HDGFL2: variants seen among roughly 807,000 people sequenced by gnomAD.
HDGFL2 encodes the protein hepatoma-derived growth factor-related protein 2.
Under a neutral mutation model 77.1 loss-of-function variants are expected in HDGFL2, and 36 were observed. The ratio of observed to expected loss-of-function variants is 0.47; its 90% CI spans 0.36 to 0.62. The LOEUF (loss-of-function observed/expected upper bound fraction) is 0.62, where lower values mean the gene tolerates loss of function less well. HDGFL2 is among the 20% of genes least tolerant of loss of function. The probability of loss-of-function intolerance (pLI) is 0.00; values close to 1 mark genes in which losing one functional copy is unlikely to be tolerated. For synonymous variants in HDGFL2, 463 were observed against 413.1 expected, an observed-to-expected ratio of 1.12 and a Z score of -1.46; for missense variants, 976 against 973.4, an observed-to-expected ratio of 1.00 and a Z score of -0.04.
intron 1 of HDGFL2, 181 bp from the exon 2 acceptor site, chr19:4,475,094 C>T: frequency 1.6e-6 from 1 of 609,084 alleles, no homozygotes; most frequent in Non-Finnish European, 2.9e-6. Flanking sequence ...CTGGGTGGGG[C>T]ACAGCTTTGC....
At position 4,497,955 on chromosome 19, in the gene HDGFL2, C is replaced by T. The variant is rs760505513; in HGVS notation, c.1329-3C>T. 2.1e-5 allele frequency: 33 copies of T among 1,552,054 alleles called. No homozygotes were observed. Among genetic ancestry groups the T allele is most frequent in the Non-Finnish European group, 2.7e-5 (31 of 1,147,344 alleles). ...CCCGACTGAGGGGAGCACTTCTCCA[C>T]AGGCCCGTGAAGGTGGAGCGGACCC... On this transcript the variant is annotated splice_region_variant and splice_polypyrimidine_tract_variant and intron_variant, in intron 10 of 15. Transcript: ENST00000616600.
At chr19:4,497,920 G>A (rs781637621) in intron 10 of HDGFL2, 38 bp from the exon 11 acceptor site, 14 of 1,532,562 alleles carry the variant, frequency 9.1e-6, no homozygotes, top group South Asian at 3.6e-5. Context: ...GCAGAGTGCC[G>A]GTGACGGGGC....
chr19:4,474,610 G>A (rs1975024280), intron 1 of HDGFL2, among the ~76,000 whole-genome samples: 1 of 152,104 alleles, frequency 6.6e-6, no homozygotes, highest in Non-Finnish European at 1.5e-5. Flanking sequence ...TCTTGGGGGA[G>A]ACCAGAGCAA....
At chr19:4,499,094 TC>T (rs1183070571) in intron 13 of HDGFL2, among the ~76,000 whole-genome samples, 179 bp downstream of exon 13, 1 of 152,098 alleles carries the variant, frequency 6.6e-6, no homozygotes, top group African/African-American at 2.4e-5. Context: ...ACGCCTGTAA[TC>T]CCAGCACTTT....
chr19:4,486,069 AAAC>A (rs1380899105), intron 3 of HDGFL2, among the ~76,000 whole-genome samples: 3 of 145,438 alleles, frequency 2.1e-5, no homozygotes, highest in South Asian at 2.2e-4. Context: ...AAAAAAAAAA[AAAC>A]AACAACCACG....
intron 3 of HDGFL2, among the ~76,000 whole-genome samples, chr19:4,484,359 T>A (rs1214732974): frequency 6.7e-6 from 1 of 150,106 alleles, no homozygotes; most frequent in Non-Finnish European, 1.5e-5. Flanking sequence ...GCTGGGATTA[T>A]AGGCGTGAGC....
At chr19:4,482,555 C>G (rs1319387318) in intron 3 of HDGFL2, among the ~76,000 whole-genome samples, 3 of 152,154 alleles carry the variant, frequency 2.0e-5, no homozygotes, top group African/African-American at 7.2e-5. Flanking sequence ...CTAGGCTGGT[C>G]TTGAATTCCT....
In HDGFL2 at chr19:4,501,987, G is replaced by T; in HGVS notation, c.1993G>T (p.Glu665Ter). The T allele has an allele frequency of 6.6e-7, 1 of 1,514,452 alleles. No homozygotes were observed. 93.8% of individuals were successfully genotyped at this position (1,514,452 alleles called of 1,614,324 possible). A position where few individuals can be genotyped will look rare whatever the true frequency, so the allele number is the denominator to read the frequency against. Residue 665 changes from glutamate to a stop codon, truncating the protein, a stop_gained, in exon 16 of 16, where the codon GAG (glutamate) becomes TAG (stop). Coordinates refer to ENST00000616600, the MANE Select transcript of HDGFL2 (RefSeq NM_001001520.3). LOFTEE classifies it high-confidence loss of function. ...GCGCGAGAGGGCACGGGGGGACTCGGAGGCCCTGGACGAGGAGAGCTGAGC... is the reference window on the plus strand; with the variant it reads ...GCGCGAGAGGGCACGGGGGGACTCGTAGGCCCTGGACGAGGAGAGCTGAGC... ...QERERARGDSEALDEES is the reference protein window; with the variant it reads ...QERERARGDS
intron 3 of HDGFL2, among the ~76,000 whole-genome samples, chr19:4,483,222 T>TCGGGC (rs1456458080): frequency 6.6e-6 from 1 of 152,180 alleles, no homozygotes; most frequent in Non-Finnish European, 1.5e-5. Context: ...CAAAACGTGC[T>TCGGGC]CGGGCCGAGC....
chr19:4,498,488 G>T, intron 12 of HDGFL2, 112 bp downstream of exon 12: 1 of 852,004 alleles, frequency 1.2e-6, no homozygotes, highest in Non-Finnish European at 1.9e-6. Context: ...AGTTGGGTGG[G>T]CCAGGAGTCT....
chr19:4,488,796 A>C lies in HDGFL2; in HGVS notation c.409A>C (p.Ser137Arg), dbSNP rs765507022. 11 of 1,551,948 alleles carry C rather than the reference A, an allele frequency of 7.1e-6. No homozygotes were observed. In the South Asian group the frequency reaches 1.3e-4, roughly 18 times the overall value. ...CACAGCGGTAACCGCCACAGCTGCC[A>C]GCGACAGGATGGAGAGCGACTCAGA... is the stretch of plus-strand genomic sequence containing the variant. ...AVTAVTATAASDRMESDSDSD... is the reference protein window; with the variant it reads ...AVTAVTATAARDRMESDSDSD... The change falls in exon 4 of 16, where the codon AGC becomes CGC. Residue 137 changes from serine (S) to arginine (R), a missense_variant. By Grantham distance (110) the Ser-to-Arg change is moderately radical. Around this residue, in one of 5 missense-constraint regions of HDGFL2, gnomAD observed 567 missense variants for 534.7 expected, o/e 1.06. Coordinates refer to ENST00000616600, the MANE Select transcript of HDGFL2 (RefSeq NM_001001520.3).
intron 6 of HDGFL2, among the ~76,000 whole-genome samples, chr19:4,492,866 G>GTCTGTGTTGTGTTATC (rs1491357656): frequency 7.9e-6 from 1 of 127,298 alleles, no homozygotes; most frequent in African/African-American, 3.2e-5. Context: ...TGTGTGTGTG[G>GTCTGTGTTGTGTTATC]TGTGTGTGGT....
intron 6 of HDGFL2, among the ~76,000 whole-genome samples, chr19:4,492,130 G>C (rs980166614): frequency 2.0e-4 from 30 of 152,196 alleles, no homozygotes; most frequent in African/African-American, 6.8e-4. Context: ...GAGCGCGAGA[G>C]GGACACAGAA....
intron 9 of HDGFL2, 120 bp downstream of exon 9, chr19:4,494,595 G>C (rs2145204556): frequency 1.4e-6 from 1 of 714,000 alleles, no homozygotes; most frequent in South Asian, 6.0e-5. Flanking sequence ...CGTGGGCCCA[G>C]AAACTCCTGC....
chr19:4,501,466 C>A (rs1481713249), intron 15 of HDGFL2, 149 bp downstream of exon 15: 2 of 914,054 alleles, frequency 2.2e-6, no homozygotes, highest in Admixed American at 6.9e-5. Context: ...TCACAGCTGA[C>A]CCCAGGGCCC....
chr19:4,502,012 C>T lies in HDGFL2; in HGVS notation c.*2C>T, dbSNP rs1350393864. 24 of 1,518,852 alleles carry T rather than the reference C, an allele frequency of 1.6e-5. No homozygotes were observed. The highest frequency in any genetic ancestry group is 3.5e-6 in the Non-Finnish European group (4 of 1,140,266). 94.1% of individuals were successfully genotyped at this position (1,518,852 alleles called of 1,614,324 possible). ...GAGGCCCTGGACGAGGAGAGCTGAG[C>T]CGCGGGCAGCCAGGCCCAGCCCCCG... On this transcript the variant is annotated 3_prime_UTR_variant, in exon 16 of 16. Coordinates refer to ENST00000616600, the MANE Select transcript of HDGFL2 (RefSeq NM_001001520.3).
At chr19:4,473,071 T>A (rs2145143862) in intron 1 of HDGFL2, among the ~76,000 whole-genome samples, 1 of 132,120 alleles carries the variant, frequency 7.6e-6, no homozygotes, top group African/African-American at 2.9e-5. Flanking sequence ...TGGGGGTGTT[T>A]GGGGCCTGAA....
intron 3 of HDGFL2, among the ~76,000 whole-genome samples, chr19:4,484,182 C>T (rs1975298202): frequency 2.0e-5 from 3 of 147,730 alleles, no homozygotes; most frequent in Non-Finnish European, 4.4e-5. Context: ...CTCCCAGGTT[C>T]AAGTGATTCT....
At chr19:4,488,542 T>C (rs1231323750) in intron 3 of HDGFL2, 134 bp from the exon 4 acceptor site, 2 of 807,334 alleles carry the variant, frequency 2.5e-6, no homozygotes, top group African/African-American at 3.5e-5. Context: ...GGTTTCCCCA[T>C]TTGTAAAGCC....
Sources: allele counts gnomAD v4.1 joint callset (sites outside exome capture counted in the v4.1 genomes callset), GRCh38; gene constraint gnomAD v4.1.1; regional missense constraint gnomAD v4.1.1; transcripts MANE v1.5; gene names NCBI Gene and HGNC (gene_info 2026-07-23, HGNC 2026-07-21).